The following FOXP1 variants were observed in gnomAD, a reference collection of about 807,000 sequenced individuals.
FOXP1 encodes the protein forkhead box P1.
In FOXP1, 15 loss-of-function variants were observed where a neutral mutation model predicts 98.2. The observed-to-expected ratio is 0.15, with a 90% confidence interval of 0.10 to 0.24. The LOEUF (loss-of-function observed/expected upper bound fraction) is 0.24, where lower values mean the gene tolerates loss of function less well. FOXP1 is among the 10% of genes least tolerant of loss of function. The probability of loss-of-function intolerance (pLI) is 1.00; values close to 1 mark genes in which losing one functional copy is unlikely to be tolerated. For synonymous variants in FOXP1, 371 were observed against 314.5 expected, an observed-to-expected ratio of 1.18 and a Z score of -1.90; for missense variants, 633 against 848.5, an observed-to-expected ratio of 0.75 and a Z score of 3.15.
At chr3:71,214,444 C>T (rs976809631) in intron 5 of FOXP1, among the ~76,000 whole-genome samples, 1 of 152,106 alleles carries the variant, frequency 6.6e-6, no homozygotes, top group Non-Finnish European at 1.5e-5. Context: ...GGGTCAACGG[C>T]GGGACCATCT....
intron 7 of FOXP1, among the ~76,000 whole-genome samples, chr3:71,095,141 T>C (rs1256589416): frequency 1.3e-5 from 2 of 152,266 alleles, no homozygotes; most frequent in African/African-American, 4.8e-5. Flanking sequence ...TCTGTGTACA[T>C]TTTCAAAATT....
intron 3 of FOXP1, among the ~76,000 whole-genome samples, chr3:71,490,575 CT>C (rs2090994947): frequency 6.6e-6 from 1 of 152,006 alleles, no homozygotes; most frequent in Admixed American, 6.6e-5. Flanking sequence ...CCTCTACCTT[CT>C]ACTAAAAATA....
chr3:71,128,076 T>C (rs1413510137), intron 6 of FOXP1, among the ~76,000 whole-genome samples: 1 of 152,166 alleles, frequency 6.6e-6, no homozygotes, highest in Non-Finnish European at 1.5e-5. Flanking sequence ...TCCAAAACAG[T>C]ATAGGCAATG....
chr3:71,196,750 T>C (rs2063325930), intron 6 of FOXP1, among the ~76,000 whole-genome samples: 1 of 152,244 alleles, frequency 6.6e-6, no homozygotes, highest in South Asian at 2.1e-4. Context: ...ACAACCTCAC[T>C]GGTTGGAATT....
At chr3:71,245,411 G>A (rs1157426972) in intron 5 of FOXP1, 1 of 151,232 alleles carries the variant, frequency 6.6e-6, no homozygotes, top group African/African-American at 2.4e-5. Context: ...TCAAGTGTTA[G>A]CTGTTTCCAA....
chr3:71,000,854 T>G, intron 13 of FOXP1, 118 bp downstream of exon 13: 4 of 449,334 alleles, frequency 8.9e-6, no homozygotes, highest in Admixed American at 3.6e-5. Flanking sequence ...TAAAGGACAA[T>G]GACAGGTTTT....
chr3:71,082,755 G>T (rs1373776579), intron 7 of FOXP1, among the ~76,000 whole-genome samples: 1 of 151,992 alleles, frequency 6.6e-6, no homozygotes, highest in Non-Finnish European at 1.5e-5. Flanking sequence ...GGTTTCTAAT[G>T]AAGGAACTGA....
At chr3:71,431,099 G>A (rs377391966) in intron 3 of FOXP1, among the ~76,000 whole-genome samples, 8 of 152,274 alleles carry the variant, frequency 5.3e-5, no homozygotes, top group Middle Eastern at 3.4e-3. Context: ...TGTCCCTTGC[G>A]TGCATGCAGC....
intron 2 of FOXP1, among the ~76,000 whole-genome samples, chr3:71,566,745 T>C (rs1349676416): frequency 2.6e-5 from 4 of 152,136 alleles, no homozygotes; most frequent in Admixed American, 2.6e-4. Context: ...TGCCCTCCAT[T>C]GATTTTGAAA....
intron 7 of FOXP1, among the ~76,000 whole-genome samples, chr3:71,106,676 C>A (rs1437203663): frequency 1.3e-5 from 2 of 151,694 alleles, no homozygotes; most frequent in Non-Finnish European, 2.9e-5. Context: ...CCCAGACTGG[C>A]CTCAAACTCC....
intron 3 of FOXP1, among the ~76,000 whole-genome samples, chr3:71,423,120 AC>A (rs564674064): frequency 6.6e-6 from 1 of 152,130 alleles, no homozygotes; most frequent in Non-Finnish European, 1.5e-5. Context: ...GGTTTAGAAC[AC>A]CTCCAAGTCC....
At chr3:71,411,788 T>C (rs941065017) in intron 3 of FOXP1, among the ~76,000 whole-genome samples, 7 of 152,208 alleles carry the variant, frequency 4.6e-5, no homozygotes, top group East Asian at 1.9e-4. Context: ...AGTTCCAATA[T>C]TGCCTCTGTC....
intron 7 of FOXP1, among the ~76,000 whole-genome samples, chr3:71,084,646 T>C (rs2054822434): frequency 6.6e-6 from 1 of 152,228 alleles, no homozygotes; most frequent in Admixed American, 6.5e-5. Flanking sequence ...TGTTAAAATA[T>C]AGAATAGATT....
rs755536663 is a variant in FOXP1, at chr3:70,958,224, AAAAG to A, written c.*1019_*1022del. The stretch of plus-strand genomic sequence containing the variant: ...AAAAAAAAAAAGAAAAGAAAAGAAA[AAAAG>A]AAAATCCGAAACACCCCTCCCCCGA... On this transcript the variant is annotated 3_prime_UTR_variant, in exon 21 of 21. Coordinates refer to ENST00000649528, the MANE Select transcript of FOXP1 (RefSeq NM_001349338.3). 30 of 479,494 alleles carry A rather than the reference AAAAG, an allele frequency of 6.3e-5. No homozygotes were observed. The highest frequency in any genetic ancestry group is 1.2e-4 in the Admixed American group (4 of 32,834). The allele number at this position is 479,494 out of a possible 1,614,324, so 29.7% of individuals were successfully genotyped here. A position where few individuals can be genotyped will look rare whatever the true frequency, so the allele number is the denominator to read the frequency against.
At chr3:71,046,775 C>G (rs1398697671) in intron 10 of FOXP1, among the ~76,000 whole-genome samples, 167 bp downstream of exon 10, 1 of 152,234 alleles carries the variant, frequency 6.6e-6, no homozygotes, top group African/African-American at 2.4e-5. Context: ...CATCAACAAG[C>G]ATTTCACCTT....
chr3:71,115,417 A>G (rs2058297339), intron 6 of FOXP1, among the ~76,000 whole-genome samples: 1 of 151,488 alleles, frequency 6.6e-6, no homozygotes. Context: ...GCTCGCTGCA[A>G]CCTCTGCCTC....
At chr3:71,017,186 G>C (rs989417120) in intron 11 of FOXP1, among the ~76,000 whole-genome samples, 29 of 151,992 alleles carry the variant, frequency 1.9e-4, no homozygotes, top group Non-Finnish European at 4.1e-4. Context: ...AACTGCATTG[G>C]ACTCAAGGAA....
chr3:71,010,476 C>T (rs1024525290), intron 12 of FOXP1, among the ~76,000 whole-genome samples: 23 of 152,182 alleles, frequency 1.5e-4, no homozygotes, highest in African/African-American at 4.6e-4. Context: ...TGAAGCATTT[C>T]GGGACTATGC....
chr3:71,363,002 C>T (rs1230158799), intron 3 of FOXP1, among the ~76,000 whole-genome samples: 1 of 151,810 alleles, frequency 6.6e-6, no homozygotes, highest in East Asian at 1.9e-4. Flanking sequence ...GTCTACTAAA[C>T]CTTGTAATCA....
Sources: allele counts gnomAD v4.1 joint callset (sites outside exome capture counted in the v4.1 genomes callset), GRCh38; gene constraint gnomAD v4.1.1; transcripts MANE v1.5; gene names NCBI Gene and HGNC (gene_info 2026-07-23, HGNC 2026-07-21).